ERG: variants seen among roughly 807,000 people sequenced by gnomAD.
ERG encodes ETS transcription factor ERG.
In ERG, 9 loss-of-function variants were observed where a neutral mutation model predicts 55.3. That is an observed-to-expected ratio of 0.16 (90% confidence interval 0.10 to 0.28). ERG has a LOEUF of 0.28. ERG is among the 10% of genes least tolerant of loss of function. The pLI is 1.00. For synonymous variants in ERG, 223 were observed against 237.3 expected, an observed-to-expected ratio of 0.94 and a Z score of 0.55; for missense variants, 434 against 631.6, an observed-to-expected ratio of 0.69 and a Z score of 3.35.
intron 3 of ERG, among the ~76,000 whole-genome samples, chr21:38,420,303 CGTGTGTGT>C (rs34803336): frequency 6.7e-6 from 1 of 148,612 alleles, no homozygotes; most frequent in Non-Finnish European, 1.5e-5. Context: ...TGTGTGTGTG[CGTGTGTGT>C]GTGTGTGTGT....
chr21:38,416,734 A>T (rs1246981257), intron 3 of ERG, among the ~76,000 whole-genome samples: 2 of 152,252 alleles, frequency 1.3e-5, no homozygotes, highest in African/African-American at 4.8e-5. Flanking sequence ...ATAATTGGTA[A>T]GATGTCATAA....
chr21:38,548,663 A>C, intron 2 of ERG, among the ~76,000 whole-genome samples: 1 of 136,302 alleles, frequency 7.3e-6, no homozygotes, highest in Non-Finnish European at 1.5e-5. Flanking sequence ...ACCACGTTTG[A>C]CCGTGTTAGC....
At chr21:38,450,628 T>C (rs1422627737) in intron 1 of ERG, among the ~76,000 whole-genome samples, 1 of 152,202 alleles carries the variant, frequency 6.6e-6, no homozygotes, top group African/African-American at 2.4e-5. Flanking sequence ...TTAACCACTT[T>C]CATAAATAGC....
At chr21:38,377,776 G>C (rs996626246), downstream of ERG, among the ~76,000 whole-genome samples, 4 of 152,068 alleles carry the variant, frequency 2.6e-5, no homozygotes, top group Admixed American at 1.3e-4. Flanking sequence ...GAAATTGTTA[G>C]TCTGGAGTGG....
chr21:38,570,732 A>G (rs927332113), intron 2 of ERG, among the ~76,000 whole-genome samples: 3 of 152,240 alleles, frequency 2.0e-5, no homozygotes, highest in Admixed American at 1.3e-4. Context: ...TTGAGCCAGA[A>G]TGTGTTCTTA....
rs1218216606 is a variant in ERG, at chr21:38,381,809, G to A, written c.*1594C>T. The stretch of plus-strand genomic sequence containing the variant: ...CCAATGTGAAACCCGGGGTCCTTCT[G>A]TTCCAAAAGGGGCTAGAAATAAAAG... On this transcript the variant is annotated 3_prime_UTR_variant, in exon 10 of 10. Transcript: ENST00000288319. 1 of 1,063,484 alleles carries A rather than the reference G, an allele frequency of 9.4e-7. No individual in the cohort carries two copies. The highest frequency in any genetic ancestry group is 1.1e-6 in the Non-Finnish European group (1 of 878,284). The allele number at this position is 1,063,484 out of a possible 1,614,324, so 65.9% of individuals were successfully genotyped here.
upstream of ERG, among the ~76,000 whole-genome samples, chr21:38,585,532 C>CTTTTT (rs760791568): frequency 0.022 from 1,324 of 59,206 alleles, 280 homozygotes; most frequent in South Asian, 0.06. Flanking sequence ...TCTCTCTCTT[C>CTTTTT]TTTTTTTTTT....
chr21:38,378,615 G>T (rs1417892716), downstream of ERG, among the ~76,000 whole-genome samples: 2 of 152,166 alleles, frequency 1.3e-5, no homozygotes, highest in African/African-American at 2.4e-5. Flanking sequence ...ATGGTCCTGG[G>T]TTCTCTCATT....
At chr21:38,620,778 G>A (rs73908330) in intron 1 of ERG, among the ~76,000 whole-genome samples, 7,492 of 152,218 alleles carry the variant, frequency 0.049, 573 homozygotes, top group African/African-American at 0.17. Context: ...CACAAGTGTG[G>A]TGGGGAGCAG....
In ERG at chr21:38,381,540, G is replaced by A. The variant is rs901207317; in HGVS notation, c.*1863C>T. Reference sequence around the variant, plus strand: ...TGAGAGCTCCTGAAAGAGAAACCCCGCAGCAAATCTAGACGTTATCCCTTG... The same window carrying A: ...TGAGAGCTCCTGAAAGAGAAACCCCACAGCAAATCTAGACGTTATCCCTTG... On this transcript the variant is annotated 3_prime_UTR_variant, in exon 10 of 10. Coordinates refer to ENST00000288319, the MANE Select transcript of ERG (RefSeq NM_182918.4). The A allele has an allele frequency of 5.0e-5, 53 of 1,063,732 alleles. No individual in the cohort carries two copies. The highest frequency in any genetic ancestry group is 4.8e-4 in the Admixed American group (9 of 18,682). The allele number at this position is 1,063,732 out of a possible 1,614,324, so 65.9% of individuals were successfully genotyped here.
At chr21:38,506,240 A>G (rs2059459817) in intron 2 of ERG, among the ~76,000 whole-genome samples, 1 of 152,216 alleles carries the variant, frequency 6.6e-6, no homozygotes, top group Non-Finnish European at 1.5e-5. Flanking sequence ...AGATTGTTCA[A>G]TATGTTCCCA....
intron 1 of ERG, among the ~76,000 whole-genome samples, chr21:38,456,064 A>T (rs942379765): frequency 5.3e-5 from 8 of 152,228 alleles, no homozygotes; most frequent in Non-Finnish European, 7.3e-5. Context: ...ATGTTTTCTA[A>T]GACTCCATTT....
chr21:38,604,533 A>G (rs2060185470), intron 1 of ERG, among the ~76,000 whole-genome samples: 1 of 152,226 alleles, frequency 6.6e-6, no homozygotes, highest in Non-Finnish European at 1.5e-5. Context: ...ATTAAAAGAA[A>G]TTTCATGTGA....
intron 7 of ERG, 139 bp downstream of exon 7, chr21:38,392,237 T>G (rs1470506703): frequency 5.3e-6 from 4 of 760,788 alleles, no homozygotes; most frequent in Non-Finnish European, 9.3e-6. Context: ...AAAGATCAAT[T>G]GTACTCTTGT....
intron 1 of ERG, among the ~76,000 whole-genome samples, chr21:38,463,189 C>T (rs1392232054): frequency 1.3e-5 from 2 of 152,176 alleles, no homozygotes; most frequent in African/African-American, 4.8e-5. Context: ...CTGAAAGGTC[C>T]TCCCTGTTTA....
chr21:38,507,092 CA>C lies in ERG; in HGVS notation c.-41+68569del, dbSNP rs1474504189. On this transcript the variant is annotated intron_variant, in intron 2 of 8. Coordinates refer to the ERG transcript ENST00000398897. The stretch of plus-strand genomic sequence containing the variant: ...CTGCAGATAAAAGACGCTGGCTCGA[CA>C]AAAAGCGCCCCTGGGCTCTGCATTG... Among the ~76,000 whole-genome samples the C allele has an allele frequency of 6.6e-5, 10 of 152,148 alleles. 1 individual carries two copies. In the South Asian group the frequency reaches 1.0e-3, roughly 16 times the overall value.
intron 2 of ERG, among the ~76,000 whole-genome samples, chr21:38,510,783 G>A (rs886397686): frequency 6.6e-6 from 1 of 152,134 alleles, no homozygotes; most frequent in African/African-American, 2.4e-5. Flanking sequence ...AAAAGGAATT[G>A]ACAGTACACA....
intron 2 of ERG, among the ~76,000 whole-genome samples, chr21:38,425,295 G>T (rs530205478): frequency 6.6e-6 from 1 of 152,208 alleles, no homozygotes; most frequent in East Asian, 1.9e-4. Context: ...TGAGGCAGGA[G>T]AATCCCTTGA....
chr21:38,610,626 C>A (rs1279879051), intron 1 of ERG, among the ~76,000 whole-genome samples: 1 of 152,148 alleles, frequency 6.6e-6, no homozygotes, highest in Non-Finnish European at 1.5e-5. Context: ...GATTGAACTG[C>A]AATTGTACCA....
Sources: gnomAD v4.1 joint callset for allele counts (sites outside exome capture counted in the v4.1 genomes callset) on GRCh38, gnomAD v4.1.1 for gene constraint, MANE v1.5 for transcripts, NCBI Gene and HGNC (gene_info 2026-07-23, HGNC 2026-07-21) for gene names.